Variants in SLC24A3 observed in about 807,000 individuals in gnomAD.
SLC24A3 encodes solute carrier family 24 member 3.
A neutral mutation model predicts 75.8 loss-of-function variants in SLC24A3; 28 were observed. That is an observed-to-expected ratio of 0.37 (90% CI 0.27 to 0.51). The LOEUF is 0.51. Ranked by LOEUF, SLC24A3 falls within the 20% of genes least tolerant of loss-of-function variation. SLC24A3 has a pLI of 0.94. For missense variants in SLC24A3, 663 were observed against 847.8 expected, an observed-to-expected ratio of 0.78 and a Z score of 2.71; for synonymous variants, 372 against 334.1, an observed-to-expected ratio of 1.11 and a Z score of -1.24.
At chr20:19,535,012 C>T (rs2030370949) in intron 3 of SLC24A3, among the ~76,000 whole-genome samples, 1 of 152,208 alleles carries the variant, frequency 6.6e-6, no homozygotes, top group Admixed American at 6.5e-5. Flanking sequence ...CATGATTCTG[C>T]ACAAAGGAAG....
At chr20:19,492,212 C>G (rs1988219589) in intron 2 of SLC24A3, among the ~76,000 whole-genome samples, 1 of 152,194 alleles carries the variant, frequency 6.6e-6, no homozygotes, top group Admixed American at 6.5e-5. Flanking sequence ...TACTCTAAAG[C>G]AAGGCCAGAT....
intron 2 of SLC24A3, chr20:19,284,443 T>C (rs1402630580): frequency 6.5e-6 from 1 of 152,702 alleles, no homozygotes; most frequent in Non-Finnish European, 1.5e-5. Flanking sequence ...GGCTAGGAAG[T>C]GAGCCCTGTG....
intron 16 of SLC24A3, among the ~76,000 whole-genome samples, chr20:19,718,331 A>G (rs1044902215): frequency 2.0e-5 from 3 of 152,242 alleles, no homozygotes; most frequent in African/African-American, 7.2e-5. Context: ...ATACTGCCTT[A>G]TACAAAAGTG....
chr20:19,685,848 G>T (rs1024684225), intron 12 of SLC24A3, among the ~76,000 whole-genome samples: 1 of 152,092 alleles, frequency 6.6e-6, no homozygotes, highest in Non-Finnish European at 1.5e-5. Flanking sequence ...GAATTGCTCC[G>T]CAGGAAATAG....
intron 7 of SLC24A3, among the ~76,000 whole-genome samples, chr20:19,654,641 CTTTTTTT>C (rs34507566): frequency 2.2e-5 from 2 of 89,950 alleles, no homozygotes; most frequent in Non-Finnish European, 2.1e-5. Flanking sequence ...AAATAGAATC[CTTTTTTT>C]TTTTTTTTTT....
chr20:19,272,989 A>G (rs188579837), intron 1 of SLC24A3, among the ~76,000 whole-genome samples: 2 of 152,256 alleles, frequency 1.3e-5, no homozygotes, highest in East Asian at 3.9e-4. Flanking sequence ...CCTCTAGAAG[A>G]AGTGGGAGAA....
At chr20:19,231,087 C>T (rs986486237) in intron 1 of SLC24A3, among the ~76,000 whole-genome samples, 3 of 152,138 alleles carry the variant, frequency 2.0e-5, no homozygotes, top group Non-Finnish European at 4.4e-5. Context: ...TATTATTATC[C>T]TCATTTAAAT....
intron 3 of SLC24A3, among the ~76,000 whole-genome samples, chr20:19,547,987 C>T (rs2030628900): frequency 6.6e-6 from 1 of 152,192 alleles, no homozygotes; most frequent in Non-Finnish European, 1.5e-5. Flanking sequence ...AATGCCCAGA[C>T]AAGTTTTGTT....
At chr20:19,322,981 C>T (rs1195754553) in intron 2 of SLC24A3, among the ~76,000 whole-genome samples, 7 of 151,810 alleles carry the variant, frequency 4.6e-5, no homozygotes, top group African/African-American at 7.3e-5. Context: ...CCGAGGCGGG[C>T]GGATCACGAG....
intron 1 of SLC24A3, among the ~76,000 whole-genome samples, chr20:19,275,877 A>T (rs1350780873): frequency 6.6e-6 from 1 of 152,068 alleles, no homozygotes; most frequent in African/African-American, 2.4e-5. Context: ...CACCCGTGAC[A>T]TGTGACATGT....
At chr20:19,697,340 G>C in intron 14 of SLC24A3, 1 of 191,996 alleles carries the variant, frequency 5.2e-6, no homozygotes, top group Non-Finnish European at 1.1e-5. Context: ...CCTTTACTGA[G>C]TAAAACATGA....
At chr20:19,677,383 T>C (rs917456563) in intron 9 of SLC24A3, among the ~76,000 whole-genome samples, 1 of 152,096 alleles carries the variant, frequency 6.6e-6, no homozygotes, top group Non-Finnish European at 1.5e-5. Context: ...ACACTGCCTC[T>C]TTCCCTGTCG....
chr20:19,627,853 AG>A, intron 6 of SLC24A3, among the ~76,000 whole-genome samples: 1 of 152,278 alleles, frequency 6.6e-6, no homozygotes, highest in East Asian at 1.9e-4. Context: ...TAGCACAGGT[AG>A]GAGCAAATTT....
intron 6 of SLC24A3, among the ~76,000 whole-genome samples, chr20:19,634,904 T>A (rs7509538): frequency 0.017 from 2,660 of 152,246 alleles, 73 homozygotes; most frequent in East Asian, 0.1. Context: ...TAAAAACCAA[T>A]CAACAAATAA....
intron 2 of SLC24A3, among the ~76,000 whole-genome samples, chr20:19,416,109 T>C (rs1172316567): frequency 6.6e-6 from 1 of 152,198 alleles, no homozygotes; most frequent in East Asian, 1.9e-4. Context: ...ACATGTTTAC[T>C]GTGTGCCAAG....
chr20:19,452,553 G>A (rs953235217), intron 2 of SLC24A3, among the ~76,000 whole-genome samples: 6 of 152,080 alleles, frequency 3.9e-5, no homozygotes, highest in Middle Eastern at 3.4e-3. Flanking sequence ...AATAGTCAGA[G>A]GGAAGAAGCT....
chr20:19,280,901 C>T (rs528868439), intron 1 of SLC24A3, 58 bp from the exon 2 acceptor site: 54 of 1,578,266 alleles, frequency 3.4e-5, no homozygotes, highest in East Asian at 4.6e-5. Context: ...CATGCAGCGT[C>T]GGCAGAGGCT....
chr20:19,487,181 A>G (rs970377966), intron 2 of SLC24A3, among the ~76,000 whole-genome samples: 16 of 152,242 alleles, frequency 1.1e-4, no homozygotes. Flanking sequence ...CTGAGTGCTC[A>G]GAACACAGGA....
intron 2 of SLC24A3, among the ~76,000 whole-genome samples, chr20:19,342,067 T>C (rs1985284331): frequency 6.6e-6 from 1 of 152,264 alleles, no homozygotes; most frequent in African/African-American, 2.4e-5. Flanking sequence ...TTGCATTAGA[T>C]TGATATGGAA....
Sources: allele counts gnomAD v4.1 joint callset (sites outside exome capture counted in the v4.1 genomes callset), GRCh38; gene constraint gnomAD v4.1.1; transcripts MANE v1.5; gene names NCBI Gene and HGNC (gene_info 2026-07-23, HGNC 2026-07-21).